OCRL: variants seen among roughly 807,000 people sequenced by gnomAD.
OCRL encodes the protein OCRL inositol polyphosphate-5-phosphatase, also known as inositol polyphosphate 5-phosphatase OCRL.
A neutral mutation model predicts 78.9 loss-of-function variants in OCRL; 8 were observed. The ratio of observed to expected loss-of-function variants is 0.10; its 90% CI spans 0.06 to 0.18. The LOEUF is 0.18. Among genes scored for constraint, OCRL ranks in the 10% least tolerant of loss-of-function variants. The pLI is 1.00. For synonymous variants in OCRL, 240 were observed against 235.4 expected, an observed-to-expected ratio of 1.02 and a Z score of -0.18; for missense variants, 454 against 696.7, an observed-to-expected ratio of 0.65 and a Z score of 3.92.
In OCRL at chrX:129,569,360, C is replaced by T; in HGVS notation, c.1563C>T (p.Thr521=). The change falls in exon 15 of 24, where the codon ACC becomes ACT. Residue 521 remains threonine, a synonymous_variant. Transcript: ENST00000371113. The part of the protein sequence containing the change: ...LNYRSHMELK[T]SDHKPVSALF... The stretch of plus-strand genomic sequence containing the variant: ...ATCGGAGTCACATGGAACTGAAAAC[C>T]AGCGACCACAAGCCTGTTAGCGCCC... 8.3e-7 allele frequency: 1 copy of T among 1,210,913 alleles called. No homozygotes were observed. The highest frequency in any genetic ancestry group is 1.1e-6 in the Non-Finnish European group (1 of 894,722).
intron 2 of OCRL, 142 bp downstream of exon 2, chrX:129,540,965 C>T: frequency 1.9e-6 from 1 of 527,313 alleles, no homozygotes; most frequent in Non-Finnish European, 3.4e-6. Context: ...CCAGTGCTCT[C>T]TAACCTCGGG....
chrX:129,582,222 G>A (rs867872387), intron 18 of OCRL, among the ~76,000 whole-genome samples: 4 of 110,702 alleles, frequency 3.6e-5, no homozygotes, highest in African/African-American at 1.3e-4. Context: ...TTAAAATTCT[G>A]TGAGTCTTTT....
intron 15 of OCRL, among the ~76,000 whole-genome samples, 155 bp from the exon 16 acceptor site, chrX:129,574,985 A>G (rs1380786796): frequency 8.9e-6 from 1 of 112,382 alleles, no homozygotes; most frequent in Non-Finnish European, 1.9e-5. Flanking sequence ...CAAGCTGTGG[A>G]TGAAGCAAGA....
chrX:129,555,418 G>A (rs892848318), intron 4 of OCRL, among the ~76,000 whole-genome samples: 19 of 111,562 alleles, frequency 1.7e-4, no homozygotes, highest in African/African-American at 6.2e-4. Flanking sequence ...AGGTTGCAGT[G>A]AGCCGAGATC....
chrX:129,549,143 C>T (rs1193890658), intron 4 of OCRL, among the ~76,000 whole-genome samples: 2 of 111,707 alleles, frequency 1.8e-5, no homozygotes, highest in Non-Finnish European at 3.8e-5. Flanking sequence ...AGCCCCATCC[C>T]CTCAAGGCAT....
chrX:129,567,987 C>T (rs906350425), intron 14 of OCRL, among the ~76,000 whole-genome samples: 1 of 107,493 alleles, frequency 9.3e-6, no homozygotes, highest in Non-Finnish European at 1.9e-5. Context: ...AATCTCGGCG[C>T]ACTGCAAGCT....
At chrX:129,545,288 T>C (rs1312770754) in intron 3 of OCRL, among the ~76,000 whole-genome samples, 1 of 112,468 alleles carries the variant, frequency 8.9e-6, no homozygotes, top group Non-Finnish European at 1.9e-5. Flanking sequence ...GTATGTAGAT[T>C]GTTACCTGTG....
At chrX:129,566,119 C>T (rs1030796374) in intron 13 of OCRL, among the ~76,000 whole-genome samples, 1 of 112,067 alleles carries the variant, frequency 8.9e-6, no homozygotes, top group Non-Finnish European at 1.9e-5. Context: ...TTATTCAAAA[C>T]GTCTTTATCA....
intron 19 of OCRL, 63 bp from the exon 20 acceptor site, chrX:129,586,939 A>G: frequency 1.4e-6 from 1 of 738,236 alleles, no homozygotes; most frequent in Middle Eastern, 2.9e-4. Context: ...GAAGGACTTT[A>G]AGTTATACAC....
At chrX:129,555,771 C>G (rs756984667) in intron 4 of OCRL, among the ~76,000 whole-genome samples, 2 of 112,355 alleles carry the variant, frequency 1.8e-5, no homozygotes, top group African/African-American at 6.5e-5. Context: ...TAAAATATGT[C>G]TTTCAAGAAT....
At chrX:129,582,090 C>T (rs1417111846) in intron 18 of OCRL, among the ~76,000 whole-genome samples, 1 of 109,400 alleles carries the variant, frequency 9.1e-6, no homozygotes, top group East Asian at 2.9e-4. Context: ...TTGGCATTCT[C>T]CATGCCCCCC....
intron 4 of OCRL, among the ~76,000 whole-genome samples, chrX:129,554,696 G>A (rs1015473208): frequency 8.9e-6 from 1 of 111,818 alleles, no homozygotes; most frequent in African/African-American, 3.3e-5. Context: ...GCTTACGCCT[G>A]TAATCCCAGC....
rs1935785100 is a variant in OCRL at position 129,540,750 on chromosome X, G to C, written c.46G>C (p.Glu16Gln). ...CCTTGACTAGCGCCCGCATACTGTCGAGGGTATGGAGATGAAGGGTCCTCT... is the reference window on the plus strand; with the variant it reads ...CCTTGACTAGCGCCCGCATACTGTCCAGGGTATGGAGATGAAGGGTCCTCT... Reference protein sequence around the residue: ...PVGAQPLATVEGMEMKGPLRE... With the variant: ...PVGAQPLATVQGMEMKGPLRE... Residue 16 changes from glutamate to glutamine, a missense_variant, in exon 2 of 24, where the codon GAG becomes CAG. Coordinates refer to ENST00000371113, the MANE Select transcript of OCRL (RefSeq NM_000276.4). 6.6e-6 allele frequency: 8 copies of C among 1,208,720 alleles called. No homozygotes were observed. The East Asian group carries it at 2.4e-4, about 36-fold the overall frequency.
intron 2 of OCRL, among the ~76,000 whole-genome samples, chrX:129,543,012 A>T (rs1935832291): frequency 8.9e-6 from 1 of 111,801 alleles, no homozygotes; most frequent in Admixed American, 9.5e-5. Context: ...TTTTTCAAGG[A>T]TAATAGATTA....
At chrX:129,572,571 A>G (rs1212918545) in intron 15 of OCRL, among the ~76,000 whole-genome samples, 2 of 112,725 alleles carry the variant, frequency 1.8e-5, no homozygotes, top group Non-Finnish European at 3.7e-5. Flanking sequence ...CACCATTGGC[A>G]CCAATGACTG....
At chrX:129,579,596 A>G (rs1936415885) in intron 18 of OCRL, among the ~76,000 whole-genome samples, 1 of 112,217 alleles carries the variant, frequency 8.9e-6, no homozygotes, top group African/African-American at 3.2e-5. Context: ...AGCCCTTTTC[A>G]TAATAGTGAC....
At chrX:129,581,116 C>T (rs1346691102) in intron 18 of OCRL, among the ~76,000 whole-genome samples, 2 of 112,843 alleles carry the variant, frequency 1.8e-5, no homozygotes, top group Admixed American at 9.3e-5. Context: ...CCACCCGCCT[C>T]AGCTTCCCAA....
chrX:129,558,505 A>G, intron 6 of OCRL, 128 bp from the exon 7 acceptor site: 2 of 779,657 alleles, frequency 2.6e-6, no homozygotes. Context: ...AGTAATTTCT[A>G]CCCTTATGAT....
intron 2 of OCRL, among the ~76,000 whole-genome samples, chrX:129,541,092 CAT>C (rs1482484897): frequency 8.9e-6 from 1 of 112,274 alleles, no homozygotes; most frequent in African/African-American, 3.2e-5. Context: ...CTGCAACTGA[CAT>C]GTGTTGTGTA....
Sources: allele counts gnomAD v4.1 joint callset (sites outside exome capture counted in the v4.1 genomes callset), GRCh38; gene constraint gnomAD v4.1.1; transcripts MANE v1.5; gene names NCBI Gene and HGNC (gene_info 2026-07-23, HGNC 2026-07-21).